Variants in SNED1 observed in about 807,000 individuals in gnomAD.
SNED1 encodes sushi, nidogen and EGF-like domain-containing protein 1.
SNED1 carries 81 observed loss-of-function variants against 166.7 expected under a neutral mutation model. The ratio of observed to expected loss-of-function variants is 0.49; its 90% CI spans 0.41 to 0.58. The LOEUF (loss-of-function observed/expected upper bound fraction) is 0.58, where lower values mean the gene tolerates loss of function less well. Ranked by LOEUF, SNED1 falls within the 20% of genes least tolerant of loss-of-function variation. The pLI is 0.00. For synonymous variants in SNED1, 762 were observed against 822.0 expected (o/e 0.93, Z 1.25); for missense variants, 1,604 against 2,000.2 (o/e 0.80, Z 3.78).
At chr2:241,067,307 C>G (rs1007196034) in intron 21 of SNED1, among the ~76,000 whole-genome samples, 1 of 152,202 alleles carries the variant, frequency 6.6e-6, no homozygotes, top group East Asian at 1.9e-4. Context: ...CACAAGTGGC[C>G]CCTTCCCTGC....
chr2:241,089,872 C>A, intron 31 of SNED1: 1 of 1,471,368 alleles, frequency 6.8e-7, no homozygotes, highest in South Asian at 1.4e-5. Flanking sequence ...CACACCACAG[C>A]GTGTTACTGA....
At chr2:241,088,288 G>A in intron 30 of SNED1, 77 bp from the exon 31 acceptor site, 2 of 1,028,482 alleles carry the variant, frequency 1.9e-6, no homozygotes, top group South Asian at 2.5e-5. Flanking sequence ...TCAGCAGGCA[G>A]CCTGGACTGA....
intron 4 of SNED1, among the ~76,000 whole-genome samples, chr2:241,036,149 C>T (rs866036033): frequency 5.6e-5 from 8 of 143,416 alleles, no homozygotes; most frequent in Non-Finnish European, 7.5e-5. Flanking sequence ...ACCGCGCGCT[C>T]ATGGGAAGAG....
chr2:241,054,238 A>G (rs952541762), intron 16 of SNED1, among the ~76,000 whole-genome samples: 1 of 152,190 alleles, frequency 6.6e-6, no homozygotes, highest in Non-Finnish European at 1.5e-5. Flanking sequence ...TCCTCAGAGA[A>G]TATGAGCAAC....
chr2:241,090,868 C>CAA (rs371271027), intron 31 of SNED1, among the ~76,000 whole-genome samples: 21 of 100,772 alleles, frequency 2.1e-4, no homozygotes, highest in East Asian at 1.3e-3. Context: ...CCCTCTGTCT[C>CAA]AAAAAAAAAA....
intron 16 of SNED1, among the ~76,000 whole-genome samples, 190 bp downstream of exon 16, chr2:241,053,516 A>C (rs941512177): frequency 2.0e-5 from 3 of 152,226 alleles, no homozygotes; most frequent in Non-Finnish European, 4.4e-5. Context: ...ATCACAGTCA[A>C]CTTTGCTCTG....
chr2:241,005,785 G>A (rs545821035), intron 1 of SNED1, among the ~76,000 whole-genome samples: 4 of 151,690 alleles, frequency 2.6e-5, no homozygotes, highest in South Asian at 2.1e-4. Flanking sequence ...TTGTCCCTCC[G>A]CATATGCATC....
chr2:241,059,631 T>TC (rs2062170195), intron 16 of SNED1, among the ~76,000 whole-genome samples: 1 of 151,392 alleles, frequency 6.6e-6, no homozygotes, highest in Admixed American at 6.7e-5. Flanking sequence ...GGTCTAACTT[T>TC]TAATGTCAAT....
intron 29 of SNED1, among the ~76,000 whole-genome samples, chr2:241,084,402 C>T (rs1441714537): frequency 6.6e-6 from 1 of 152,148 alleles, no homozygotes; most frequent in Non-Finnish European, 1.5e-5. Context: ...GATCCACCCA[C>T]CTTGCCCTCC....
Position 241,052,071 on chromosome 2 carries a change from G to A in SNED1, c.1883G>A (p.Cys628Tyr). The change falls in exon 14 of 32, where the codon TGT (cysteine) becomes TAT (tyrosine). Residue 628 changes from cysteine (C) to tyrosine (Y), a missense_variant. Around this residue, in one of 2 missense-constraint regions of SNED1, gnomAD observed 1,237 missense variants for 1,620.8 expected, o/e 0.76. Transcript: ENST00000310397. ...CCAGACTCGTGTGCCTCTGGCCCCTGTCACAACGGCGGCACCTGCTTCCAC... is the reference window on the plus strand; with the variant it reads ...CCAGACTCGTGTGCCTCTGGCCCCTATCACAACGGCGGCACCTGCTTCCAC... ...GKPDSCASGPCHNGGTCFHYI... is the reference protein window; with the variant it reads ...GKPDSCASGPYHNGGTCFHYI... 6.2e-7 allele frequency: 1 copy of A among 1,613,914 alleles called. No individual in the cohort carries two copies. The highest frequency in any genetic ancestry group is 8.5e-7 in the Non-Finnish European group (1 of 1,179,858).
rs139717438 is a variant in SNED1, at chr2:241,059,673, A to G, written c.2258-3118A>G. On this transcript the variant is annotated intron_variant, in intron 16 of 31. Transcript: ENST00000310397. ...ACTTCATCATATTAGGAGATGAAAG[A>G]GAAAACTATATATCTCAATAGATGC... Among the ~76,000 whole-genome samples the G allele has an allele frequency of 8.6e-3, 1,311 of 152,394 alleles. 5 individuals carry two copies. The highest frequency in any genetic ancestry group is 0.013 in the Non-Finnish European group (893 of 68,038).
At chr2:241,078,573 A>C (rs1443931330) in intron 27 of SNED1, among the ~76,000 whole-genome samples, 2 of 151,724 alleles carry the variant, frequency 1.3e-5, no homozygotes, top group Admixed American at 6.6e-5. Context: ...CATTCATATG[A>C]AAGTCCAGCA....
At chr2:241,082,739 C>G (rs1399395902) in intron 29 of SNED1, among the ~76,000 whole-genome samples, 1 of 152,224 alleles carries the variant, frequency 6.6e-6, no homozygotes, top group East Asian at 1.9e-4. Context: ...ATGAGAATGC[C>G]GGCCCCAGTT....
intron 29 of SNED1, among the ~76,000 whole-genome samples, chr2:241,084,063 C>A (rs951679434): frequency 6.6e-6 from 1 of 151,548 alleles, no homozygotes; most frequent in African/African-American, 2.4e-5. Flanking sequence ...ATTTGCCATA[C>A]ACATCTTCAC....
chr2:241,053,446 G>T (rs2061944165), intron 16 of SNED1, 120 bp downstream of exon 16: 3 of 994,132 alleles, frequency 3.0e-6, no homozygotes, highest in Admixed American at 5.3e-5. Context: ...ACCTGGTCCT[G>T]CCCCTGCTCC....
At chr2:241,004,650 C>G (rs1017119977) in intron 1 of SNED1, among the ~76,000 whole-genome samples, 4 of 152,166 alleles carry the variant, frequency 2.6e-5, no homozygotes, top group Non-Finnish European at 5.9e-5. Context: ...CATTTTCCTT[C>G]TGGCCCTCAT....
intron 29 of SNED1, among the ~76,000 whole-genome samples, chr2:241,086,780 G>A (rs2063602979): frequency 6.6e-6 from 1 of 152,198 alleles, no homozygotes; most frequent in Non-Finnish European, 1.5e-5. Flanking sequence ...TCTGACATTT[G>A]AGAACTTTAA....
At chr2:241,060,446 G>A (rs1485640327) in intron 16 of SNED1, among the ~76,000 whole-genome samples, 1 of 152,212 alleles carries the variant, frequency 6.6e-6, no homozygotes, top group Non-Finnish European at 1.5e-5. Flanking sequence ...GGCTCCCAAA[G>A]TGCTGGATTA....
intron 29 of SNED1, among the ~76,000 whole-genome samples, chr2:241,083,334 G>A (rs1459500099): frequency 6.6e-6 from 1 of 152,156 alleles, no homozygotes; most frequent in Non-Finnish European, 1.5e-5. Flanking sequence ...GAGGGACAGG[G>A]AACCCTCGGG....
Sources: allele counts gnomAD v4.1 joint callset (sites outside exome capture counted in the v4.1 genomes callset), GRCh38; gene constraint gnomAD v4.1.1; regional missense constraint gnomAD v4.1.1; transcripts MANE v1.5; gene names NCBI Gene and HGNC (gene_info 2026-07-23, HGNC 2026-07-21).